PRKCE: variants seen among roughly 807,000 people sequenced by gnomAD.
PRKCE encodes the protein protein kinase C epsilon, also known as protein kinase C epsilon type.
PRKCE carries 16 observed loss-of-function variants against 85.4 expected under a neutral mutation model. The observed-to-expected ratio is 0.19, with a 90% CI of 0.13 to 0.28. The LOEUF (loss-of-function observed/expected upper bound fraction) is 0.28. Ranked by LOEUF, PRKCE falls within the 10% of genes least tolerant of loss-of-function variation. The pLI, the probability that PRKCE is intolerant of heterozygous loss-of-function variation, is 1.00. For synonymous variants in PRKCE, 388 were observed against 371.5 expected (o/e 1.04, Z -0.51); for missense variants, 573 against 975.2 (o/e 0.59, Z 5.49).
chr2:46,072,065 G>C (rs890736424), intron 10 of PRKCE, among the ~76,000 whole-genome samples: 3 of 152,242 alleles, frequency 2.0e-5, no homozygotes, highest in Non-Finnish European at 4.4e-5. Context: ...ATATTTATAA[G>C]TTTATCTCAC....
chr2:45,949,952 T>A (rs1700515704), intron 2 of PRKCE, among the ~76,000 whole-genome samples: 1 of 152,184 alleles, frequency 6.6e-6, no homozygotes, highest in South Asian at 2.1e-4. Flanking sequence ...TGTTGCTTTT[T>A]TGGCCATTTT....
chr2:46,142,614 C>T (rs748701897), intron 11 of PRKCE, among the ~76,000 whole-genome samples: 1 of 152,250 alleles, frequency 6.6e-6, no homozygotes, highest in African/African-American at 2.4e-5. Context: ...TGCCTGCAGA[C>T]CATGCTTGGC....
At chr2:46,092,446 A>T (rs1670261850) in intron 11 of PRKCE, among the ~76,000 whole-genome samples, 2 of 152,166 alleles carry the variant, frequency 1.3e-5, no homozygotes, top group Admixed American at 1.3e-4. Flanking sequence ...AGGGGAGACA[A>T]GGAGAAAGGA....
intron 10 of PRKCE, among the ~76,000 whole-genome samples, chr2:46,020,396 G>C (rs1370249593): frequency 6.6e-6 from 1 of 152,148 alleles, no homozygotes; most frequent in Non-Finnish European, 1.5e-5. Flanking sequence ...CTGACTGGGA[G>C]CTGGAGTGAG....
chr2:46,024,732 G>T (rs191472086), intron 10 of PRKCE, among the ~76,000 whole-genome samples: 13 of 152,304 alleles, frequency 8.5e-5, no homozygotes, highest in African/African-American at 3.1e-4. Flanking sequence ...TTTGTTCTCA[G>T]TGTTTCTTTC....
chr2:45,759,582 C>T (rs977133599), intron 1 of PRKCE, among the ~76,000 whole-genome samples: 1 of 152,180 alleles, frequency 6.6e-6, no homozygotes, highest in African/African-American at 2.4e-5. Context: ...CAGCAATTAG[C>T]GCCATCTCCT....
chr2:45,816,411 T>C (rs780358829), intron 1 of PRKCE, among the ~76,000 whole-genome samples: 1 of 152,180 alleles, frequency 6.6e-6, no homozygotes, highest in Non-Finnish European at 1.5e-5. Flanking sequence ...TTGTTTTTCC[T>C]GGGGATGAGA....
intron 1 of PRKCE, among the ~76,000 whole-genome samples, chr2:45,779,266 G>A (rs1415480501): frequency 6.6e-6 from 1 of 152,218 alleles, no homozygotes; most frequent in Non-Finnish European, 1.5e-5. Flanking sequence ...TAGAGGAGAG[G>A]AGAGACCCTT....
At position 46,185,081 on chromosome 2, in the gene PRKCE, C is replaced by G; in HGVS notation, c.*200C>G. Reference sequence around the variant, plus strand: ...TGGTGACCAGAAGGCGCTCTCGGTTCTTGTCTCACCAGTAATGCAGACTCA... The same window carrying G: ...TGGTGACCAGAAGGCGCTCTCGGTTGTTGTCTCACCAGTAATGCAGACTCA... On this transcript the variant is annotated 3_prime_UTR_variant, in exon 15 of 15. Transcript: ENST00000306156. The surrounding 1 kb of genome is among the most constrained non-coding windows in gnomAD (Gnocchi z 4.7). 4.6e-6 allele frequency: 3 copies of G among 646,662 alleles called. No homozygotes were observed. Among genetic ancestry groups the G allele is most frequent in the Non-Finnish European group, 7.8e-6 (3 of 383,122 alleles). The allele number at this position is 646,662 out of a possible 1,614,324, so 40.1% of individuals were successfully genotyped here. A position where few individuals can be genotyped will look rare whatever the true frequency, so the allele number is the denominator to read the frequency against.
At chr2:45,702,269 T>G (rs937393353) in intron 1 of PRKCE, among the ~76,000 whole-genome samples, 6 of 152,194 alleles carry the variant, frequency 3.9e-5, no homozygotes, top group African/African-American at 1.4e-4. Flanking sequence ...GATACAGATG[T>G]GGAAATCTAC....
At chr2:46,097,126 G>A (rs1670764697) in intron 11 of PRKCE, among the ~76,000 whole-genome samples, 1 of 152,122 alleles carries the variant, frequency 6.6e-6, no homozygotes, top group Non-Finnish European at 1.5e-5. Context: ...TATTCTTGTG[G>A]TCACTTTGGG....
At chr2:45,661,482 C>T (rs1675639200) in intron 1 of PRKCE, among the ~76,000 whole-genome samples, 1 of 149,226 alleles carries the variant, frequency 6.7e-6, no homozygotes, top group Non-Finnish European at 1.5e-5. Context: ...GCCACTGCGC[C>T]TGGCTTCAAG....
intron 11 of PRKCE, among the ~76,000 whole-genome samples, chr2:46,107,064 CAA>C (rs1558461827): frequency 6.6e-6 from 1 of 152,180 alleles, no homozygotes; most frequent in Non-Finnish European, 1.5e-5. Context: ...TGGGTTTTAA[CAA>C]ATGCATAGCA....
chr2:45,886,303 C>T (rs1038585234), intron 2 of PRKCE, among the ~76,000 whole-genome samples: 2 of 152,182 alleles, frequency 1.3e-5, no homozygotes, highest in African/African-American at 4.8e-5. Context: ...AGCTCCGTAG[C>T]CTGTGTCTGG....
At chr2:45,788,965 A>G (rs1280645110) in intron 1 of PRKCE, among the ~76,000 whole-genome samples, 2 of 152,228 alleles carry the variant, frequency 1.3e-5, no homozygotes, top group Non-Finnish European at 2.9e-5. Flanking sequence ...CCCCAGACCA[A>G]TTAAATCAGA....
chr2:46,147,262 T>A (rs960596354), intron 12 of PRKCE, among the ~76,000 whole-genome samples: 3 of 152,238 alleles, frequency 2.0e-5, no homozygotes, highest in Non-Finnish European at 4.4e-5. Context: ...GAACTGCTTT[T>A]CTCGTGTTCT....
At chr2:45,888,597 C>G (rs1163763613) in intron 2 of PRKCE, among the ~76,000 whole-genome samples, 2 of 149,798 alleles carry the variant, frequency 1.3e-5, no homozygotes, top group Non-Finnish European at 3.0e-5. Flanking sequence ...ATTACAGGTG[C>G]CTGCCACCAT....
intron 10 of PRKCE, among the ~76,000 whole-genome samples, chr2:46,064,431 A>G (rs1017707591): frequency 2.0e-5 from 3 of 152,206 alleles, no homozygotes; most frequent in African/African-American, 4.8e-5. Context: ...GGCAATCCCA[A>G]ATTAATCAGA....
intron 10 of PRKCE, among the ~76,000 whole-genome samples, chr2:46,038,503 A>G (rs527657199): frequency 3.9e-5 from 6 of 152,312 alleles, no homozygotes; most frequent in African/African-American, 1.4e-4. Flanking sequence ...CAATGTGTGA[A>G]CTTAAAATGA....
Sources: gnomAD v4.1 joint callset for allele counts (sites outside exome capture counted in the v4.1 genomes callset) on GRCh38, gnomAD v4.1.1 for gene constraint, Gnocchi (gnomAD v3.1) non-coding constraint, MANE v1.5 for transcripts, NCBI Gene and HGNC (gene_info 2026-07-23, HGNC 2026-07-21) for gene names.